Variants in SLX4IP observed in about 807,000 individuals in gnomAD.
The protein encoded by SLX4IP is SLX4 interacting protein, also known as protein SLX4IP.
Under a neutral mutation model 32.9 loss-of-function variants are expected in SLX4IP, and 34 were observed. The ratio of observed to expected loss-of-function variants is 1.03; its 90% CI spans 0.79 to 1.38. The LOEUF is 1.38. Among genes scored for constraint, SLX4IP ranks in the 40% most tolerant of loss-of-function variants. The probability of loss-of-function intolerance (pLI) is 0.00; values close to 1 mark genes in which losing one functional copy is unlikely to be tolerated. For synonymous variants in SLX4IP, 172 were observed against 171.7 expected, an observed-to-expected ratio of 1.00 and a Z score of -0.01; for missense variants, 444 against 479.0, an observed-to-expected ratio of 0.93 and a Z score of 0.68.
chr20:10,458,558 C>G (rs867601461), intron 2 of SLX4IP, among the ~76,000 whole-genome samples: 1 of 152,024 alleles, frequency 6.6e-6, no homozygotes, highest in Non-Finnish European at 1.5e-5. Context: ...CTGTTTCCCC[C>G]CATGTGTCTA....
chr20:10,528,532 T>G (rs574245781), intron 2 of SLX4IP, among the ~76,000 whole-genome samples: 2 of 152,336 alleles, frequency 1.3e-5, no homozygotes, highest in Admixed American at 1.3e-4. Context: ...CTTGTGGAAG[T>G]TAAGCTTCAC....
chr20:10,529,918 G>A (rs1267179340), intron 2 of SLX4IP, among the ~76,000 whole-genome samples: 5 of 152,152 alleles, frequency 3.3e-5, no homozygotes, highest in African/African-American at 1.2e-4. Context: ...ACCATATGCA[G>A]TCTACAGAGG....
intron 2 of SLX4IP, among the ~76,000 whole-genome samples, chr20:10,547,400 C>A (rs139895175): frequency 6.6e-6 from 1 of 152,362 alleles, no homozygotes; most frequent in East Asian, 1.9e-4. Context: ...ACAACAGACA[C>A]TGAACAGGAG....
intron 2 of SLX4IP, among the ~76,000 whole-genome samples, chr20:10,472,032 C>G (rs1006140585): frequency 2.0e-5 from 3 of 152,132 alleles, no homozygotes; most frequent in South Asian, 4.1e-4. Flanking sequence ...ATCACAAGGT[C>G]AAGAGGAGAG....
At chr20:10,501,508 C>T (rs919642162) in intron 2 of SLX4IP, among the ~76,000 whole-genome samples, 4 of 152,210 alleles carry the variant, frequency 2.6e-5, no homozygotes, top group Admixed American at 6.5e-5. Flanking sequence ...TGCTCAGCCC[C>T]CACAGCAATC....
intron 2 of SLX4IP, among the ~76,000 whole-genome samples, chr20:10,490,986 A>G (rs140988096): frequency 2.4e-4 from 36 of 151,672 alleles, no homozygotes; most frequent in Admixed American, 1.5e-3. Flanking sequence ...TTGTAATTCC[A>G]CCCCTCTCTT....
chr20:10,521,863 G>A (rs683099), intron 2 of SLX4IP, among the ~76,000 whole-genome samples: 87,298 of 152,092 alleles, frequency 0.57, 25,667 homozygotes, highest in South Asian at 0.72. Context: ...GGAGCAGAGG[G>A]AGTGCAGAGA....
chr20:10,550,873 C>T (rs576477962), intron 2 of SLX4IP, among the ~76,000 whole-genome samples: 2 of 152,342 alleles, frequency 1.3e-5, no homozygotes, highest in East Asian at 1.9e-4. Flanking sequence ...GCTGTCACTC[C>T]GCTCCCTCTG....
chr20:10,595,800 G>A (rs1350540643), intron 4 of SLX4IP, among the ~76,000 whole-genome samples: 1 of 152,156 alleles, frequency 6.6e-6, no homozygotes, highest in Non-Finnish European at 1.5e-5. Flanking sequence ...CTCTCCTCAA[G>A]TTTCTCTTTA....
chr20:10,475,979 C>T (rs1026139292), intron 2 of SLX4IP, among the ~76,000 whole-genome samples: 9 of 152,154 alleles, frequency 5.9e-5, no homozygotes, highest in African/African-American at 2.2e-4. Context: ...AGAGAGGCCT[C>T]GGGGGCATCC....
chr20:10,615,459 C>G (rs1323399270), intron 6 of SLX4IP, among the ~76,000 whole-genome samples: 1 of 152,156 alleles, frequency 6.6e-6, no homozygotes, highest in Non-Finnish European at 1.5e-5. Flanking sequence ...CTCATCTTCT[C>G]AACTTCTTTT....
At position 10,608,226 on chromosome 20, in the gene SLX4IP, T is replaced by A. The variant is rs560307568; in HGVS notation, c.405+6407T>A. Reference sequence around the variant, plus strand: ...AAGACCTGGCTTTGACCACTGCCTCTCCCCTTATTCACTGATGACCTTACA... The same window carrying A: ...AAGACCTGGCTTTGACCACTGCCTCACCCCTTATTCACTGATGACCTTACA... On this transcript the variant is annotated intron_variant, in intron 6 of 7. Transcript: ENST00000334534. 1.4e-3 allele frequency among the ~76,000 whole-genome samples: 206 copies of A among 152,282 alleles called. 1 individual carries two copies. The highest frequency in any genetic ancestry group is 4.6e-3 in the African/African-American group (191 of 41,568).
intron 2 of SLX4IP, among the ~76,000 whole-genome samples, chr20:10,472,290 G>A (rs2065431304): frequency 6.6e-6 from 1 of 151,474 alleles, no homozygotes; most frequent in African/African-American, 2.4e-5. Flanking sequence ...GAGTGCAGTG[G>A]CACGATCTCG....
At chr20:10,620,278 G>C (rs971645128) in intron 6 of SLX4IP, among the ~76,000 whole-genome samples, 2 of 152,212 alleles carry the variant, frequency 1.3e-5, no homozygotes, top group African/African-American at 4.8e-5. Context: ...TTATCTACTT[G>C]ATAACCAAAA....
intron 2 of SLX4IP, among the ~76,000 whole-genome samples, chr20:10,498,239 G>C (rs533427557): frequency 3.0e-4 from 45 of 151,560 alleles, no homozygotes; most frequent in Admixed American, 7.9e-4. Flanking sequence ...GCTCTGTTCA[G>C]TTCCTGAGGC....
At chr20:10,510,527 T>A (rs1016766236) in intron 2 of SLX4IP, among the ~76,000 whole-genome samples, 11 of 152,164 alleles carry the variant, frequency 7.2e-5, no homozygotes, top group Non-Finnish European at 2.9e-5. Context: ...TAGAGCAAGC[T>A]GCAGTGAAAG....
At chr20:10,596,593 C>G (rs2066773553) in intron 4 of SLX4IP, among the ~76,000 whole-genome samples, 2 of 152,168 alleles carry the variant, frequency 1.3e-5, no homozygotes, top group South Asian at 4.2e-4. Flanking sequence ...TCGAACATGC[C>G]TCCTGAATCT....
intron 2 of SLX4IP, among the ~76,000 whole-genome samples, chr20:10,513,683 G>A (rs1250366321): frequency 6.6e-6 from 1 of 152,352 alleles, no homozygotes; most frequent in South Asian, 2.1e-4. Flanking sequence ...CATTCCCAGG[G>A]TTTTGTCTGG....
chr20:10,509,296 A>T (rs1183350217), intron 2 of SLX4IP, among the ~76,000 whole-genome samples: 1 of 152,234 alleles, frequency 6.6e-6, no homozygotes, highest in African/African-American at 2.4e-5. Context: ...AGATAATCTC[A>T]TTCCAGCTTA....
Sources: allele counts gnomAD v4.1 joint callset (sites outside exome capture counted in the v4.1 genomes callset), GRCh38; gene constraint gnomAD v4.1.1; transcripts MANE v1.5; gene names NCBI Gene and HGNC (gene_info 2026-07-23, HGNC 2026-07-21).